CABLES1: variants seen among roughly 807,000 people sequenced by gnomAD.
CABLES1 encodes Cdk5 and Abl enzyme substrate 1.
A neutral mutation model predicts 57.8 loss-of-function variants in CABLES1; 36 were observed. The ratio of observed to expected loss-of-function variants is 0.62; its 90% confidence interval spans 0.48 to 0.82. The LOEUF is 0.82. CABLES1 is among the 40% of genes least tolerant of loss of function. CABLES1 has a pLI of 0.00. For missense variants in CABLES1, 767 were observed against 836.6 expected (o/e 0.92, Z 1.03); for synonymous variants, 374 against 363.0 (o/e 1.03, Z -0.35).
At chr18:23,152,782 G>T (rs545597011) in intron 1 of CABLES1, among the ~76,000 whole-genome samples, 2 of 151,974 alleles carry the variant, frequency 1.3e-5, no homozygotes, top group South Asian at 4.2e-4. Flanking sequence ...ACCATGCCAG[G>T]CCTTGGTCTA....
chr18:23,254,412 T>G (rs1313406585), intron 9 of CABLES1, among the ~76,000 whole-genome samples: 1 of 152,218 alleles, frequency 6.6e-6, no homozygotes, highest in African/African-American at 2.4e-5. Flanking sequence ...AACATCGATC[T>G]CCTTGGATGG....
rs200925241 is a variant in CABLES1, at chr18:23,246,651, A to T, written c.1447-6309A>T. On this transcript the variant is annotated intron_variant, in intron 7 of 9. Coordinates refer to ENST00000256925, the MANE Select transcript of CABLES1 (RefSeq NM_001100619.3). ...TGTGATCCGCCCACCTTGGCCTCCCAAAGTGCTGGGATTATATGCTTGAGC... is the reference window on the plus strand; with the variant it reads ...TGTGATCCGCCCACCTTGGCCTCCCTAAGTGCTGGGATTATATGCTTGAGC... 2.6e-5 allele frequency among the ~76,000 whole-genome samples: 4 copies of T among 151,510 alleles called. 1 individual carries two copies. Among genetic ancestry groups the T allele is most frequent in the African/African-American group, 9.8e-5 (4 of 40,988 alleles).
chr18:23,196,503 A>C (rs2047283800), intron 3 of CABLES1, among the ~76,000 whole-genome samples: 1 of 152,190 alleles, frequency 6.6e-6, no homozygotes, highest in South Asian at 2.1e-4. Context: ...TTCTGAGGTG[A>C]CAGAAGGAAA....
In CABLES1 at chr18:23,135,690, G is replaced by A; in HGVS notation, c.-73G>A. On this transcript the variant is annotated 5_prime_UTR_variant, in exon 1 of 10. Coordinates refer to ENST00000256925, the MANE Select transcript of CABLES1 (RefSeq NM_001100619.3). Reference sequence around the variant, plus strand: ...TACCCAGCCCGGGTCGCCGCCGCTCGCGCCCGCCGCTTAGCGCTCGGGCGC... The same window carrying A: ...TACCCAGCCCGGGTCGCCGCCGCTCACGCCCGCCGCTTAGCGCTCGGGCGC... 1 of 982,042 alleles carries A rather than the reference G, an allele frequency of 1.0e-6. No individual in the cohort carries two copies. Among genetic ancestry groups the A allele is most frequent in the South Asian group, 4.7e-5 (1 of 21,262 alleles). 60.8% of individuals were successfully genotyped at this position (982,042 alleles called of 1,614,324 possible). A position where few individuals can be genotyped will look rare whatever the true frequency, so the allele number is the denominator to read the frequency against.
chr18:23,211,079 A>G (rs778293120), intron 3 of CABLES1, among the ~76,000 whole-genome samples: 24 of 151,786 alleles, frequency 1.6e-4, no homozygotes, highest in Non-Finnish European at 3.4e-4. Context: ...GACCACCCAG[A>G]GTGAGCGCTC....
rs141594148 is a variant in CABLES1 at position 23,162,378 on chromosome 18, T to C, written c.845+25771T>C. ...GACAGCCAGTTGCTTGATGTCCTGA[T>C]ATCCTTTTATAAACCTAGGCAGCTG... On this transcript the variant is annotated intron_variant, in intron 1 of 9. Transcript: ENST00000256925. Among the ~76,000 whole-genome samples, 867 of 152,346 alleles carry C rather than the reference T, an allele frequency of 5.7e-3. 7 individuals are homozygous for C. Among genetic ancestry groups the C allele is most frequent in the East Asian group, 0.028 (144 of 5,178 alleles).
chr18:23,228,007 G>A (rs933904889), intron 4 of CABLES1, among the ~76,000 whole-genome samples: 8 of 152,324 alleles, frequency 5.3e-5, no homozygotes, highest in South Asian at 4.1e-4. Flanking sequence ...AGAGAAGTCA[G>A]GACCACTCCA....
At chr18:23,204,508 T>A (rs2093088315) in intron 3 of CABLES1, 1 of 152,204 alleles carries the variant, frequency 6.6e-6, no homozygotes, top group South Asian at 2.1e-4. Flanking sequence ...AGTTGGAAAT[T>A]GTTTCAGATT....
intron 1 of CABLES1, among the ~76,000 whole-genome samples, chr18:23,177,487 G>C (rs182072036): frequency 6.6e-5 from 10 of 150,574 alleles, no homozygotes; most frequent in Non-Finnish European, 1.0e-4. Context: ...CCCCAGCCCC[G>C]CCGGTCTATG....
At chr18:23,151,172 C>T (rs2046927786) in intron 1 of CABLES1, among the ~76,000 whole-genome samples, 1 of 152,030 alleles carries the variant, frequency 6.6e-6, no homozygotes, top group Non-Finnish European at 1.5e-5. Flanking sequence ...GCACCCGCCA[C>T]CACGCCCGGC....
At chr18:23,137,007 A>G (rs2144942864) in intron 1 of CABLES1, among the ~76,000 whole-genome samples, 1 of 152,358 alleles carries the variant, frequency 6.6e-6, no homozygotes, top group East Asian at 1.9e-4. Context: ...GGAGCAGTGC[A>G]GGCCGGCAGC....
chr18:23,186,174 G>A (rs1210678064), intron 1 of CABLES1, among the ~76,000 whole-genome samples: 1 of 152,218 alleles, frequency 6.6e-6, no homozygotes, highest in African/African-American at 2.4e-5. Flanking sequence ...AAGGCCTTGA[G>A]TGGGGGCCAG....
Position 23,135,924 on chromosome 18 carries a change from G to T in CABLES1, c.162G>T (p.Lys54Asn). Reference protein sequence around the residue: ...PAQPPPEPPRKPRMDPRRRQA... With the variant: ...PAQPPPEPPRNPRMDPRRRQA... ...AGCCGCCGCCCGAACCCCCCCGGAA[G>T]CCGCGCATGGACCCGCGGCGCCGCC... The change falls in exon 1 of 10, where the codon AAG becomes AAT. Residue 54 changes from lysine to asparagine, a missense_variant. By Grantham distance (94) the Lys-to-Asn change is moderately conservative. Coordinates refer to ENST00000256925, the MANE Select transcript of CABLES1 (RefSeq NM_001100619.3). The T allele has an allele frequency of 1.8e-6, 2 of 1,102,846 alleles. No homozygotes were observed. The highest frequency in any genetic ancestry group is 2.2e-6 in the Non-Finnish European group (2 of 909,844). 68.3% of individuals were successfully genotyped at this position (1,102,846 alleles called of 1,614,324 possible). A position where few individuals can be genotyped will look rare whatever the true frequency, so the allele number is the denominator to read the frequency against.
chr18:23,177,198 G>A (rs1462775704), intron 1 of CABLES1, among the ~76,000 whole-genome samples: 1 of 152,070 alleles, frequency 6.6e-6, no homozygotes, highest in African/African-American at 2.4e-5. Flanking sequence ...CACAGTGACT[G>A]GGGAGGAAGC....
At chr18:23,196,938 G>GA (rs145845401) in intron 3 of CABLES1, 6,275 of 152,452 alleles carry the variant, frequency 0.041, 154 homozygotes, top group Middle Eastern at 0.085. Flanking sequence ...TTCTGACCCT[G>GA]AAAACGCTGG....
intron 4 of CABLES1, among the ~76,000 whole-genome samples, chr18:23,225,936 G>C (rs997887599): frequency 6.6e-6 from 1 of 152,214 alleles, no homozygotes; most frequent in Non-Finnish European, 1.5e-5. Flanking sequence ...CTGTGCCACC[G>C]CCATAGGGCC....
At chr18:23,254,433 G>C (rs1362088542) in intron 9 of CABLES1, among the ~76,000 whole-genome samples, 1 of 152,178 alleles carries the variant, frequency 6.6e-6, no homozygotes, top group Non-Finnish European at 1.5e-5. Context: ...CTACATGAAT[G>C]CCTGTTTTAG....
At chr18:23,218,397 T>C (rs75553350) in intron 4 of CABLES1, among the ~76,000 whole-genome samples, 656 of 48,298 alleles carry the variant, frequency 0.014, 13 homozygotes, top group Middle Eastern at 0.031. Flanking sequence ...CTTGCCCTGG[T>C]TCCCGCATCC....
chr18:23,161,325 G>T (rs886103955), intron 1 of CABLES1, among the ~76,000 whole-genome samples: 4 of 152,098 alleles, frequency 2.6e-5, no homozygotes, highest in East Asian at 1.9e-4. Flanking sequence ...CTGGTGTTTT[G>T]TGGGTGCTGT....
Sources: gnomAD v4.1 joint callset for allele counts (sites outside exome capture counted in the v4.1 genomes callset) on GRCh38, gnomAD v4.1.1 for gene constraint, MANE v1.5 for transcripts, NCBI Gene and HGNC (gene_info 2026-07-23, HGNC 2026-07-21) for gene names.